The following TMEM208 variants were observed in gnomAD, a reference collection of about 807,000 sequenced individuals.
TMEM208 encodes the protein SRP-independent targeting 2 homolog.
In TMEM208, 19 loss-of-function variants were observed where a neutral mutation model predicts 26.4. The ratio of observed to expected loss-of-function variants is 0.72; its 90% CI spans 0.50 to 1.06. TMEM208 has a LOEUF of 1.06. Among genes scored for constraint, TMEM208 ranks in the 50% least tolerant of loss-of-function variants. TMEM208 has a pLI of 0.00. For synonymous variants in TMEM208, 93 were observed against 83.1 expected (o/e 1.12, Z -0.65); for missense variants, 183 against 219.8 (o/e 0.83, Z 1.06).
In TMEM208 at chr16:67,228,888, G is replaced by T. The variant is rs1267133290; in HGVS notation, c.384+7G>T. 19 of 1,613,762 alleles carry T rather than the reference G, an allele frequency of 1.2e-5. 1 individual carries two copies. The highest frequency in any genetic ancestry group is 1.6e-4 in the Middle Eastern group (1 of 6,062). On this transcript the variant is annotated splice_region_variant and intron_variant, in intron 5 of 5. Coordinates refer to ENST00000304800, the MANE Select transcript of TMEM208 (RefSeq NM_014187.4). ...CTGGTCCTTCTGGCTTCTGGTATGT[G>T]GGCTGGGGGCGCTCCCAAGAAGGGG... is the stretch of plus-strand genomic sequence containing the variant.
At chr16:67,228,714 T>C (rs1341689256) in intron 4 of TMEM208, 83 bp downstream of exon 4, 2 of 1,550,176 alleles carry the variant, frequency 1.3e-6, no homozygotes, top group East Asian at 4.5e-5. Context: ...TACTTGTAAC[T>C]TGAAAAGGGT....
chr16:67,227,339 C>T, intron 1 of TMEM208, 115 bp downstream of exon 1: 2 of 1,446,060 alleles, frequency 1.4e-6, no homozygotes, highest in Non-Finnish European at 1.9e-6. Context: ...GGGGCGCCAT[C>T]CCTGGCCAGA....
chr16:67,227,705 A>G (rs753731365), intron 1 of TMEM208, 131 bp from the exon 2 acceptor site: 4 of 684,944 alleles, frequency 5.8e-6, no homozygotes, highest in East Asian at 2.7e-5. Flanking sequence ...TGGACATCCC[A>G]GGGATTTTGC....
chr16:67,229,021 C>T lies in TMEM208; in HGVS notation c.430C>T (p.Pro144Ser), dbSNP rs779101020. The T allele has an allele frequency of 1.2e-6, 2 of 1,612,536 alleles. No homozygotes were observed. The highest frequency in any genetic ancestry group is 3.3e-5 in the Admixed American group (2 of 59,916). The change falls in exon 6 of 6, where the codon CCC becomes TCC. Residue 144 changes from proline (P) to serine (S), a missense_variant. Transcript: ENST00000304800. ...CCTCCTGTGGGTGAATGTGCTGGGC[C>T]CCTGGTTCACTGCAGACAGTGGCAC... ...LYLLWVNVLG[P>S]WFTADSGTPA... is the part of the protein sequence containing the mutation.
chr16:67,228,452 G>C, intron 3 of TMEM208, 38 bp downstream of exon 3: 1 of 1,614,002 alleles, frequency 6.2e-7, no homozygotes, highest in Non-Finnish European at 8.5e-7. Context: ...TGAGTGCGTA[G>C]GGTCAGTGGC....
Position 67,228,971 on chromosome 16 carries a change from TG to T in TMEM208, c.385-4del. On this transcript the variant is annotated splice_region_variant and splice_polypyrimidine_tract_variant and intron_variant, in intron 5 of 5. Transcript: ENST00000304800. ...TCTTGCTTCAAGTTACCGTTTCTCT[TG>T]TAGGCTCCAGGCCGGGCCCTTTACC... 2 of 1,609,464 alleles carry T rather than the reference TG, an allele frequency of 1.2e-6. No individual in the cohort carries two copies.
intron 2 of TMEM208, 138 bp downstream of exon 2, chr16:67,228,069 C>A (rs2034093679): frequency 1.1e-5 from 8 of 718,578 alleles, no homozygotes; most frequent in Non-Finnish European, 1.8e-5. Flanking sequence ...GATCTGGGCA[C>A]AGAGAAAGTG....
intron 5 of TMEM208, 29 bp from the exon 6 acceptor site, chr16:67,228,947 C>G: frequency 6.2e-7 from 1 of 1,610,370 alleles, no homozygotes; most frequent in African/African-American, 1.3e-5. Context: ...TTCCCTGCAT[C>G]TTGCTTCAAG....
intron 2 of TMEM208, 73 bp downstream of exon 2, chr16:67,228,004 A>G: frequency 7.9e-7 from 1 of 1,272,790 alleles, no homozygotes; most frequent in Non-Finnish European, 1.1e-6. Context: ...CTTGGTGACG[A>G]GGAGTGGTAC....
Position 67,228,565 on chromosome 16 carries a change from C to T in TMEM208, c.233C>T (p.Ala78Val), listed in dbSNP as rs763128059. 1.1e-5 allele frequency: 17 copies of T among 1,608,408 alleles called. No individual in the cohort carries two copies. Among genetic ancestry groups the T allele is most frequent in the South Asian group, 4.4e-5 (4 of 90,556 alleles). Residue 78 changes from alanine (A) to valine (V), a missense_variant, in exon 4 of 6, where the codon GCG becomes GTG. Physicochemically the swap from Ala to Val is moderately conservative, Grantham distance 64 (BLOSUM62 0). Coordinates refer to ENST00000304800, the MANE Select transcript of TMEM208 (RefSeq NM_014187.4). ...YHSMSSMARA[A>V]FSEDGALMDG... ...TCTATGAGCTCGATGGCACGAGCAG[C>T]GTTCTCTGAGGATGGGGCCCTGATG...
At position 67,229,168 on chromosome 16, in the gene TMEM208, C is replaced by T; in HGVS notation, c.*55C>T. 2 of 1,522,914 alleles carry T rather than the reference C, an allele frequency of 1.3e-6. No individual in the cohort carries two copies. The highest frequency in any genetic ancestry group is 1.8e-6 in the Non-Finnish European group (2 of 1,132,186). The allele number at this position is 1,522,914 out of a possible 1,614,324, so 94.3% of individuals were successfully genotyped here. A position where few individuals can be genotyped will look rare whatever the true frequency, so the allele number is the denominator to read the frequency against. ...CCCTGGGTGGCTCTGTCAGGGTGCA[C>T]AGCCCCTCATGCCTGGAGCAATGAG... is the stretch of plus-strand genomic sequence containing the variant. On this transcript the variant is annotated 3_prime_UTR_variant, in exon 6 of 6. Coordinates refer to ENST00000304800, the MANE Select transcript of TMEM208 (RefSeq NM_014187.4).
Position 67,228,418 on chromosome 16 carries a change from A to T in TMEM208, c.162+4A>T. 1 of 1,613,968 alleles carries T rather than the reference A, an allele frequency of 6.2e-7. No homozygotes were observed. The highest frequency in any genetic ancestry group is 8.5e-7 in the Non-Finnish European group (1 of 1,179,866). On this transcript the variant is annotated splice_donor_region_variant and intron_variant, in intron 3 of 5. Coordinates refer to ENST00000304800, the MANE Select transcript of TMEM208 (RefSeq NM_014187.4). The stretch of plus-strand genomic sequence containing the variant: ...ATCTGCCTCATTTTGGGCCTGGGTA[A>T]GTATCTCCATCCTGGGAGGTGGATG...
In TMEM208 at chr16:67,227,222, G is replaced by A; in HGVS notation, c.4G>A (p.Ala2Thr). M[A>T]PKGKVGTRGK... The stretch of plus-strand genomic sequence containing the variant: ...GGCTGGGTATTTGCCTCGCACCATG[G>A]CGGTAAGGAGGATGGATAGGGCGGG... The change falls in exon 1 of 6, where the codon GCG becomes ACG. Residue 2 changes from alanine to threonine, a missense_variant and splice_region_variant. By Grantham distance (58) the Ala-to-Thr change is moderately conservative. Coordinates refer to ENST00000304800, the MANE Select transcript of TMEM208 (RefSeq NM_014187.4). 2 of 1,612,302 alleles carry A rather than the reference G, an allele frequency of 1.2e-6. No individual in the cohort carries two copies. Among genetic ancestry groups the A allele is most frequent in the Non-Finnish European group, 1.7e-6 (2 of 1,178,898 alleles).
chr16:67,227,966 A>ATT, intron 2 of TMEM208, 35 bp downstream of exon 2: 1 of 1,537,464 alleles, frequency 6.5e-7, no homozygotes, highest in South Asian at 1.2e-5. Context: ...ATGCCCACTT[A>ATT]TAGTCAGTTC....
At chr16:67,228,315 G>A in intron 2 of TMEM208, 40 bp from the exon 3 acceptor site, 1 of 1,610,550 alleles carries the variant, frequency 6.2e-7, no homozygotes, top group South Asian at 1.1e-5. Context: ...TGGTTTGGAG[G>A]TAACTTCTGA....
intron 1 of TMEM208, 93 bp downstream of exon 1, chr16:67,227,317 G>C (rs1011794685): frequency 2.6e-6 from 4 of 1,528,258 alleles, no homozygotes; most frequent in Admixed American, 3.8e-5. Flanking sequence ...GGGATATGGG[G>C]TGGGCCAGAG....
chr16:67,227,352 G>C, intron 1 of TMEM208, 128 bp downstream of exon 1: 1 of 1,350,232 alleles, frequency 7.4e-7, no homozygotes, highest in Non-Finnish European at 1.0e-6. Flanking sequence ...TGGCCAGACC[G>C]TGCTAGAGCT....
rs751217739 is a variant in TMEM208, at chr16:67,229,189, A to G, written c.*76A>G. 8.6e-5 allele frequency: 126 copies of G among 1,463,432 alleles called. No homozygotes were observed. Among genetic ancestry groups the G allele is most frequent in the East Asian group, 1.8e-4 (8 of 43,384 alleles). 90.7% of individuals were successfully genotyped at this position (1,463,432 alleles called of 1,614,324 possible). ...TGCACAGCCCCTCATGCCTGGAGCA[A>G]TGAGGGTCTAGTCCAGGGGCCAAAA... is the stretch of plus-strand genomic sequence containing the variant. On this transcript the variant is annotated 3_prime_UTR_variant, in exon 6 of 6. Coordinates refer to ENST00000304800, the MANE Select transcript of TMEM208 (RefSeq NM_014187.4).
At chr16:67,227,591 A>AGCTTAG (rs2034069679) in intron 1 of TMEM208, 1 of 558,238 alleles carries the variant, frequency 1.8e-6, no homozygotes, top group African/African-American at 1.9e-5. Context: ...AGGCGGTATT[A>AGCTTAG]GCTTAGGATT....
Sources: gnomAD v4.1 joint callset for allele counts on GRCh38, gnomAD v4.1.1 for gene constraint, MANE v1.5 for transcripts, NCBI Gene and HGNC (gene_info 2026-07-23, HGNC 2026-07-21) for gene names.